Variants in BPTF observed in about 807,000 individuals in gnomAD.
BPTF encodes nucleosome-remodeling factor subunit BPTF.
In BPTF, 18 loss-of-function variants were observed where a neutral mutation model predicts 292.5. That is an observed-to-expected ratio of 0.06 (90% confidence interval 0.04 to 0.09). BPTF has a LOEUF of 0.09. Among genes scored for constraint, BPTF ranks in the 10% least tolerant of loss-of-function variants. The pLI is 1.00. For missense variants in BPTF, 2,726 were observed against 3,498.7 expected (o/e 0.78, Z 5.57); for synonymous variants, 1,225 against 1,251.9 (o/e 0.98, Z 0.45).
chr17:67,861,566 T>G (rs2059087170), intron 2 of BPTF, among the ~76,000 whole-genome samples: 1 of 152,146 alleles, frequency 6.6e-6, no homozygotes, highest in Non-Finnish European at 1.5e-5. Context: ...TCAGCCCACC[T>G]CAGCCTCCAA....
Position 67,940,526 on chromosome 17 carries a change from C to T in BPTF, c.6347C>T (p.Pro2116Leu). 2 of 1,614,098 alleles carry T rather than the reference C, an allele frequency of 1.2e-6. No individual in the cohort carries two copies. The highest frequency in any genetic ancestry group is 1.7e-6 in the Non-Finnish European group (2 of 1,180,032). The part of the protein sequence containing the change: ...VSAPNTVSST[P>L]GQKSLTSATS... ...GCCCCTAACACGGTTTCCTCAACAC[C>T]TGGGCAGAAAAGCTTAACTTCAGCA... Residue 2116 changes from proline (P) to leucine (L), a missense_variant, in exon 19 of 28, where the codon CCT becomes CTT. Physicochemically the swap from Pro to Leu is moderately conservative, Grantham distance 98 (BLOSUM62 -3). This residue lies in a region of BPTF where 570 missense variants were observed against 633.5 expected (regional missense o/e 0.90). Coordinates refer to ENST00000306378, the MANE Select transcript of BPTF (RefSeq NM_182641.4).
At chr17:67,950,744 G>T (rs1386886368) in intron 23 of BPTF, 2 of 151,446 alleles carry the variant, frequency 1.3e-5, no homozygotes, top group Non-Finnish European at 2.9e-5. Flanking sequence ...GGAGGCTGAG[G>T]CAGGAGAATT....
intron 13 of BPTF, 138 bp from the exon 14 acceptor site, chr17:67,922,702 G>C (rs1312238717): frequency 3.3e-5 from 29 of 872,926 alleles, no homozygotes; most frequent in Admixed American, 2.1e-4. Flanking sequence ...TGATACAAAG[G>C]CACAGCTGAG....
chr17:67,939,402 TC>T (rs2065182333), intron 18 of BPTF, among the ~76,000 whole-genome samples: 1 of 152,164 alleles, frequency 6.6e-6, no homozygotes, highest in South Asian at 2.1e-4. Flanking sequence ...TAGTAATGAG[TC>T]TGTAAGTGTC....
intron 1 of BPTF, among the ~76,000 whole-genome samples, chr17:67,843,630 A>G (rs1294766700): frequency 6.7e-6 from 1 of 149,894 alleles, no homozygotes; most frequent in Admixed American, 6.7e-5. Context: ...ATATCTAGAT[A>G]TATATACAGA....
At chr17:67,947,074 G>C (rs1214139433) in intron 21 of BPTF, among the ~76,000 whole-genome samples, 1 of 152,136 alleles carries the variant, frequency 6.6e-6, no homozygotes, top group African/African-American at 2.4e-5. Flanking sequence ...TCCCTCCTTA[G>C]CTATAGCCTC....
At chr17:67,915,398 A>G (rs895449885) in intron 11 of BPTF, among the ~76,000 whole-genome samples, 3 of 152,238 alleles carry the variant, frequency 2.0e-5, no homozygotes, top group Non-Finnish European at 4.4e-5. Flanking sequence ...TGTCACCTGT[A>G]GATCACATTC....
chr17:67,941,426 C>T (rs1270092614), intron 19 of BPTF, among the ~76,000 whole-genome samples: 7 of 152,114 alleles, frequency 4.6e-5, no homozygotes, highest in Non-Finnish European at 5.9e-5. Context: ...GCATTCCAGC[C>T]TGGGTGACAA....
intron 7 of BPTF, among the ~76,000 whole-genome samples, chr17:67,899,525 T>G (rs2061675677): frequency 2.1e-5 from 3 of 145,716 alleles, no homozygotes; most frequent in South Asian, 2.1e-4. Flanking sequence ...TGATGCTGAG[T>G]TTTTTTTCTT....
chr17:67,949,227 T>C (rs377590970), intron 23 of BPTF, among the ~76,000 whole-genome samples: 62 of 152,066 alleles, frequency 4.1e-4, no homozygotes, highest in African/African-American at 1.4e-3. Context: ...TAGCCAAACA[T>C]GGTGGCATAC....
At chr17:67,948,775 C>G (rs1391619115) in intron 23 of BPTF, among the ~76,000 whole-genome samples, 1 of 152,170 alleles carries the variant, frequency 6.6e-6, no homozygotes, top group African/African-American at 2.4e-5. Context: ...ATCACTTGAG[C>G]CCAGAAGTTC....
chr17:67,856,114 T>C (rs573644392), intron 2 of BPTF, among the ~76,000 whole-genome samples: 2 of 152,232 alleles, frequency 1.3e-5, no homozygotes. Context: ...AACGTTGGAC[T>C]TCCTATTTTG....
chr17:67,903,153 C>A (rs981550210), intron 7 of BPTF, among the ~76,000 whole-genome samples: 2 of 152,252 alleles, frequency 1.3e-5, no homozygotes, highest in African/African-American at 2.4e-5. Context: ...GGGCCCCTTT[C>A]TCTGCGGATG....
At chr17:67,843,357 G>T (rs2057734606) in intron 1 of BPTF, among the ~76,000 whole-genome samples, 1 of 150,494 alleles carries the variant, frequency 6.6e-6, no homozygotes, top group South Asian at 2.1e-4. Context: ...GAGTGCAGTG[G>T]TGTGATGTCG....
intron 4 of BPTF, chr17:67,886,242 C>A (rs2146093758): frequency 6.2e-7 from 1 of 1,614,050 alleles, no homozygotes; most frequent in African/African-American, 1.3e-5. Flanking sequence ...CAGAGTGAAT[C>A]TGCTAAGGCA....
chr17:67,878,967 G>A (rs2060213673), intron 4 of BPTF, among the ~76,000 whole-genome samples: 1 of 151,724 alleles, frequency 6.6e-6, no homozygotes, highest in South Asian at 2.1e-4. Flanking sequence ...TTTTGTTTAG[G>A]ATTTTTGCAT....
intron 18 of BPTF, among the ~76,000 whole-genome samples, chr17:67,933,834 A>G (rs566620473): frequency 3.3e-5 from 5 of 152,220 alleles, no homozygotes; most frequent in South Asian, 4.1e-4. Context: ...CGAGATGGGC[A>G]GATCACCTGA....
chr17:67,907,411 A>G (rs1048239603), intron 9 of BPTF, among the ~76,000 whole-genome samples: 1 of 149,764 alleles, frequency 6.7e-6, no homozygotes, highest in Non-Finnish European at 1.5e-5. Context: ...GCTAGAGTGC[A>G]GTGGCATGGT....
At chr17:67,827,499 C>G (rs2056198299) in intron 1 of BPTF, among the ~76,000 whole-genome samples, 1 of 152,104 alleles carries the variant, frequency 6.6e-6, no homozygotes, top group Non-Finnish European at 1.5e-5. Context: ...ACCGGCAAGA[C>G]TTTTCCTTTA....
Sources: gnomAD v4.1 joint callset for allele counts (sites outside exome capture counted in the v4.1 genomes callset) on GRCh38, gnomAD v4.1.1 for gene constraint, gnomAD v4.1.1 regional missense constraint, MANE v1.5 for transcripts, NCBI Gene and HGNC (gene_info 2026-07-23, HGNC 2026-07-21) for gene names.